Variants in MRPL43 observed in about 807,000 individuals in gnomAD.
MRPL43 encodes the protein large ribosomal subunit protein mL43.
In MRPL43, 9 loss-of-function variants were observed where a neutral mutation model predicts 12.7. The ratio of observed to expected loss-of-function variants is 0.71; its 90% CI spans 0.43 to 1.24. The LOEUF (loss-of-function observed/expected upper bound fraction) is 1.24. Ranked by LOEUF, MRPL43 falls within the 50% of genes most tolerant of loss-of-function variation. The pLI, the probability that MRPL43 is intolerant of heterozygous loss-of-function variation, is 0.00. For missense variants in MRPL43, 211 were observed against 229.2 expected, an observed-to-expected ratio of 0.92 and a Z score of 0.51; for synonymous variants, 116 against 96.4, an observed-to-expected ratio of 1.20 and a Z score of -1.19.
At position 100,986,487 on chromosome 10, in the gene MRPL43, T is replaced by C. The variant is rs1851477774; in HGVS notation, c.*247A>G. On this transcript the variant is annotated 3_prime_UTR_variant, in exon 3 of 3. Coordinates refer to ENST00000318364, the MANE Select transcript of MRPL43 (RefSeq NM_032112.3). ...AAAAAACAAGGGCCCTGTAAAACCC[T>C]TGAAGTCTTCCTCATCTCAGGTTTT... is the stretch of plus-strand genomic sequence containing the variant. 7.7e-6 allele frequency: 12 copies of C among 1,549,270 alleles called. No individual in the cohort carries two copies. Among genetic ancestry groups the C allele is most frequent in the Admixed American group, 2.0e-5 (1 of 50,640 alleles).
chr10:100,984,321 CAT>C, downstream of MRPL43: 1 of 1,440,364 alleles, frequency 6.9e-7, no homozygotes, highest in Non-Finnish European at 9.1e-7. Context: ...CACAGACCCA[CAT>C]GTGAGCAGCC....
chr10:100,980,947 C>A, downstream of MRPL43: 1 of 1,609,320 alleles, frequency 6.2e-7, no homozygotes, highest in South Asian at 1.1e-5. Flanking sequence ...ACCCTGGCAC[C>A]CATGCCTGCG....
At position 100,987,326 on chromosome 10, in the gene MRPL43, A is replaced by G; in HGVS notation, c.118T>C (p.Ser40Pro). 6.2e-7 allele frequency: 1 copy of G among 1,612,298 alleles called. No homozygotes were observed. Among genetic ancestry groups the G allele is most frequent in the Non-Finnish European group, 8.5e-7 (1 of 1,179,796 alleles). Residue 40 changes from serine to proline, a missense_variant, in exon 1 of 3, where the codon TCT (serine) becomes CCT (proline). Coordinates refer to ENST00000318364, the MANE Select transcript of MRPL43 (RefSeq NM_032112.3). ...CCCTTGGCTCACCTGGCGCCGCGAG[A>G]CGAGGCGCCGTCGCGGCTGACGCTG... ...SFSVSRDGAS[S>P]RGAREFVERE... is the part of the protein sequence containing the mutation.
At chr10:100,978,691 T>G (rs1589986856), downstream of MRPL43, 1 of 1,582,296 alleles carries the variant, frequency 6.3e-7, no homozygotes, top group East Asian at 2.2e-5. Flanking sequence ...TATTTCTTCA[T>G]TTTTACTCCC....
chr10:100,985,081 C>T, downstream of MRPL43: 1 of 617,262 alleles, frequency 1.6e-6, no homozygotes, highest in Non-Finnish European at 2.7e-6. Context: ...TCCTCACAGG[C>T]CCTTGCCTAG....
downstream of MRPL43, chr10:100,980,235 A>G: frequency 6.2e-7 from 1 of 1,614,220 alleles, no homozygotes; most frequent in South Asian, 1.1e-5. Flanking sequence ...TTGTGCCCAC[A>G]CGTGGACGGC....
chr10:100,982,846 G>A (rs1026315111), downstream of MRPL43, among the ~76,000 whole-genome samples: 5 of 152,194 alleles, frequency 3.3e-5, no homozygotes, highest in Admixed American at 6.5e-5. Context: ...AGACTCCCAG[G>A]TTTCTGACTT....
At chr10:100,978,816 T>C (rs753795679), downstream of MRPL43, 1 of 1,606,512 alleles carries the variant, frequency 6.2e-7, no homozygotes, top group South Asian at 1.1e-5. Flanking sequence ...CCCCAGCCTG[T>C]CTCAAAAGCC....
downstream of MRPL43, chr10:100,978,977 C>T (rs773006606): frequency 1.5e-5 from 25 of 1,614,150 alleles, no homozygotes; most frequent in South Asian, 5.5e-5. Flanking sequence ...CACTCAGAGC[C>T]GCAGCAGTCA....
chr10:100,981,266 G>T, downstream of MRPL43: 1 of 1,609,984 alleles, frequency 6.2e-7, no homozygotes, highest in Non-Finnish European at 8.5e-7. Flanking sequence ...TAGCTACGCA[G>T]ACTGTCCTCT....
downstream of MRPL43, chr10:100,985,746 G>A (rs1590006939): frequency 6.6e-6 from 1 of 152,482 alleles, no homozygotes; most frequent in East Asian, 1.9e-4. Context: ...ATTTGCAGAG[G>A]AAATTGGGAT....
At chr10:100,978,855 A>C (rs1319299438), downstream of MRPL43, 7 of 1,613,740 alleles carry the variant, frequency 4.3e-6, no homozygotes, top group East Asian at 2.2e-5. Context: ...ACAGATGCGG[A>C]GTTTGTGTTC....
chr10:100,978,990 G>C (rs551004768), downstream of MRPL43: 1 of 1,614,032 alleles, frequency 6.2e-7, no homozygotes, highest in African/African-American at 1.3e-5. Context: ...AGCAGTCACC[G>C]TGTGGCCCGT....
chr10:100,978,726 C>A (rs558479931), downstream of MRPL43: 1 of 1,555,464 alleles, frequency 6.4e-7, no homozygotes, highest in East Asian at 2.3e-5. Flanking sequence ...ACCCCACCCC[C>A]AAATCCCCAG....
chr10:100,985,003 G>A, downstream of MRPL43: 1 of 1,232,862 alleles, frequency 8.1e-7, no homozygotes, highest in South Asian at 1.6e-5. Flanking sequence ...CTCCCTTGCT[G>A]TCTTGGACCT....
chr10:100,987,401 G>T lies in MRPL43; in HGVS notation c.43C>A (p.Leu15Ile). The T allele has an allele frequency of 6.2e-7, 1 of 1,612,634 alleles. No homozygotes were observed. Among genetic ancestry groups the T allele is most frequent in the Non-Finnish European group, 8.5e-7 (1 of 1,179,932 alleles). ...GTPSRFLASV[L>I]HNGLGRYVQQ... ...ACATAGCGACCCAGTCCGTTGTGGA[G>T]AACGCTGGCCAAGAAGCGGCTCGGA... Residue 15 changes from leucine (L) to isoleucine (I), a missense_variant, in exon 1 of 3, where the codon CTC becomes ATC. Physicochemically the swap from Leu to Ile is conservative, Grantham distance 5. Coordinates refer to ENST00000318364, the MANE Select transcript of MRPL43 (RefSeq NM_032112.3).
rs1261648935 is a variant in MRPL43 at position 100,986,949 on chromosome 10, T to C, written c.265A>G (p.Ile89Val). Residue 89 changes from isoleucine (I) to valine (V), a missense_variant, in exon 3 of 3, where the codon ATC (isoleucine) becomes GTC (valine). Coordinates refer to ENST00000318364, the MANE Select transcript of MRPL43 (RefSeq NM_032112.3). The stretch of plus-strand genomic sequence containing the variant: ...ATCTCCTCGACCGACTTGCAGTGGA[T>C]GCTCTCCTCGCGCACAGCCCCGTTA... ...YLNGAVREES[I>V]HCKSVEEIST... The C allele has an allele frequency of 1.2e-6, 2 of 1,607,946 alleles. No homozygotes were observed. The highest frequency in any genetic ancestry group is 1.7e-6 in the Non-Finnish European group (2 of 1,179,996).
downstream of MRPL43, chr10:100,985,057 C>A: frequency 2.6e-6 from 2 of 758,410 alleles, no homozygotes; most frequent in Non-Finnish European, 4.0e-6. Context: ...GGAGATCCCC[C>A]TCCCATTTAA....
chr10:100,979,010 G>A, downstream of MRPL43: 7 of 1,614,062 alleles, frequency 4.3e-6, no homozygotes, highest in Non-Finnish European at 5.9e-6. Context: ...TGTGGCTCGT[G>A]TCTGCAAGGT....
Sources: gnomAD v4.1 joint callset for allele counts (sites outside exome capture counted in the v4.1 genomes callset) on GRCh38, gnomAD v4.1.1 for gene constraint, MANE v1.5 for transcripts, NCBI Gene and HGNC (gene_info 2026-07-23, HGNC 2026-07-21) for gene names.